The following GABRB3 variants were observed in gnomAD, a reference collection of about 807,000 sequenced individuals.
GABRB3 encodes the protein gamma-aminobutyric acid type A receptor subunit beta3, also known as gamma-aminobutyric acid receptor subunit beta-3.
GABRB3 carries 14 observed loss-of-function variants against 52.1 expected under a neutral mutation model. The observed-to-expected ratio is 0.27, with a 90% CI of 0.18 to 0.42. GABRB3 has a LOEUF of 0.42. Among genes scored for constraint, GABRB3 ranks in the 10% least tolerant of loss-of-function variants. The probability of loss-of-function intolerance (pLI) is 1.00; values close to 1 mark genes in which losing one functional copy is unlikely to be tolerated. For missense variants in GABRB3, 307 were observed against 609.1 expected (o/e 0.50, Z 5.22); for synonymous variants, 260 against 232.3 (o/e 1.12, Z -1.08).
chr15:26,748,362 G>T (rs979217133), intron 3 of GABRB3, among the ~76,000 whole-genome samples: 8 of 151,932 alleles, frequency 5.3e-5, no homozygotes, highest in African/African-American at 1.9e-4. Context: ...TTCTTTTTTG[G>T]GAACTTCTAA....
intron 3 of GABRB3, among the ~76,000 whole-genome samples, chr15:26,736,342 G>T (rs988516508): frequency 6.6e-6 from 1 of 152,140 alleles, no homozygotes; most frequent in African/African-American, 2.4e-5. Flanking sequence ...TTAGTATAAA[G>T]CAGACAAGAA....
intron 3 of GABRB3, among the ~76,000 whole-genome samples, chr15:26,737,415 G>A (rs977849663): frequency 3.9e-5 from 6 of 152,156 alleles, no homozygotes; most frequent in Non-Finnish European, 1.5e-5. Flanking sequence ...GAATGTTGCA[G>A]GACAATGGAA....
intron 3 of GABRB3, among the ~76,000 whole-genome samples, chr15:26,733,693 T>C (rs1889990909): frequency 6.6e-6 from 1 of 152,154 alleles, no homozygotes; most frequent in South Asian, 2.1e-4. Context: ...AGAACAAAGC[T>C]TGAGCACTCA....
At chr15:26,744,528 CA>C (rs1343194724) in intron 3 of GABRB3, among the ~76,000 whole-genome samples, 32 of 152,140 alleles carry the variant, frequency 2.1e-4, no homozygotes, top group African/African-American at 7.2e-4. Context: ...TGGGTTCAAG[CA>C]ATTCTCCTGC....
chr15:26,681,759 T>C (rs1888247787), intron 3 of GABRB3, among the ~76,000 whole-genome samples: 1 of 152,088 alleles, frequency 6.6e-6, no homozygotes. Flanking sequence ...GCCAGGAGTT[T>C]GAGACTAGCC....
intron 3 of GABRB3, among the ~76,000 whole-genome samples, chr15:26,713,311 T>C (rs1447091164): frequency 6.6e-6 from 1 of 152,114 alleles, no homozygotes; most frequent in Non-Finnish European, 1.5e-5. Flanking sequence ...TATTTTTTCA[T>C]GGTGTGAGGC....
chr15:26,597,739 C>G (rs1165647803), intron 4 of GABRB3, among the ~76,000 whole-genome samples: 1 of 152,222 alleles, frequency 6.6e-6, no homozygotes, highest in Non-Finnish European at 1.5e-5. Context: ...CTGGAAAGCT[C>G]TGAGAAGAGT....
chr15:26,566,817 A>G (rs1450402126), intron 7 of GABRB3, among the ~76,000 whole-genome samples: 1 of 152,154 alleles, frequency 6.6e-6, no homozygotes, highest in Non-Finnish European at 1.5e-5. Context: ...TAATGTGTTG[A>G]TAATTCTTTT....
chr15:26,688,237 C>T (rs1888468407), intron 3 of GABRB3, among the ~76,000 whole-genome samples: 1 of 152,184 alleles, frequency 6.6e-6, no homozygotes, highest in African/African-American at 2.4e-5. Context: ...AGCACAAACA[C>T]TAAACGGGAA....
At chr15:26,634,512 C>T (rs2140562853) in intron 3 of GABRB3, among the ~76,000 whole-genome samples, 1 of 152,188 alleles carries the variant, frequency 6.6e-6, no homozygotes, top group East Asian at 1.9e-4. Flanking sequence ...GGAGTGTTTC[C>T]ACTGATGTCG....
intron 3 of GABRB3, among the ~76,000 whole-genome samples, chr15:26,634,647 G>A (rs1892997458): frequency 6.6e-6 from 1 of 151,950 alleles, no homozygotes; most frequent in Non-Finnish European, 1.5e-5. Context: ...GGGTTAAATA[G>A]AATAATATAG....
chr15:26,569,515 T>C (rs775029082), intron 6 of GABRB3, among the ~76,000 whole-genome samples: 2 of 152,262 alleles, frequency 1.3e-5, no homozygotes, highest in Non-Finnish European at 2.9e-5. Flanking sequence ...AAGGACTCTA[T>C]AAATACAGAT....
intron 4 of GABRB3, among the ~76,000 whole-genome samples, chr15:26,592,890 C>T (rs1891257467): frequency 6.6e-6 from 1 of 152,120 alleles, no homozygotes; most frequent in South Asian, 2.1e-4. Flanking sequence ...TGGCACATGC[C>T]TTTAGTCCCA....
At chr15:26,727,309 A>T (rs1889800547) in intron 3 of GABRB3, among the ~76,000 whole-genome samples, 1 of 152,128 alleles carries the variant, frequency 6.6e-6, no homozygotes, top group South Asian at 2.1e-4. Context: ...TTAGGTATTT[A>T]CTTATGTATA....
In GABRB3 at chr15:26,548,102, C is replaced by T. The variant is rs139370891; in HGVS notation, c.1113G>A (p.Ser371=). The T allele has an allele frequency of 1.1e-4, 180 of 1,613,974 alleles. No homozygotes were observed. The highest frequency in any genetic ancestry group is 1.6e-4 in the Middle Eastern group (1 of 6,082). The change falls in exon 9 of 9, where the codon TCG becomes TCA. Residue 371 remains serine, a synonymous_variant. Coordinates refer to ENST00000311550, the MANE Select transcript of GABRB3 (RefSeq NM_000814.6). The part of the protein sequence containing the change: ...VDAHGNILLT[S]LEVHNEMNEV... ...CATTCATTTCATTGTGAACTTCCAGCGATGTCAACAGAATATTTCCATGAG... is the reference window on the plus strand; with the variant it reads ...CATTCATTTCATTGTGAACTTCCAGTGATGTCAACAGAATATTTCCATGAG...
intron 3 of GABRB3, chr15:26,666,417 C>T (rs2140621927): frequency 6.6e-6 from 1 of 152,274 alleles, no homozygotes; most frequent in East Asian, 1.9e-4. Context: ...CTTGCACGCA[C>T]CGAAGTCACT....
At chr15:26,553,984 C>G (rs888199824) in intron 8 of GABRB3, among the ~76,000 whole-genome samples, 27 of 124,830 alleles carry the variant, frequency 2.2e-4, no homozygotes, top group African/African-American at 7.5e-4. Flanking sequence ...AAGTGATCCT[C>G]TTACCTCAGC....
At chr15:26,694,296 T>C (rs1888671543) in intron 3 of GABRB3, among the ~76,000 whole-genome samples, 1 of 152,138 alleles carries the variant, frequency 6.6e-6, no homozygotes, top group African/African-American at 2.4e-5. Context: ...GAAGCACTTG[T>C]GAAGGTCACA....
rs1889302391 is a variant in GABRB3, at chr15:26,547,543, ATGTATG to A, written c.*244_*249del. 1.7e-6 allele frequency: 1 copy of A among 583,858 alleles called. No homozygotes were observed. 36.2% of individuals were successfully genotyped at this position (583,858 alleles called of 1,614,324 possible). A position where few individuals can be genotyped will look rare whatever the true frequency, so the allele number is the denominator to read the frequency against. On this transcript the variant is annotated 3_prime_UTR_variant, in exon 9 of 9. Transcript: ENST00000311550. Reference sequence around the variant, plus strand: ...TTGTCCATAGCTGCAAAATGTATATATGTATGTGTATTTGTCTTCCATACACATGGG... The same window carrying A: ...TTGTCCATAGCTGCAAAATGTATATATGTATTTGTCTTCCATACACATGGG...
Sources: gnomAD v4.1 joint callset for allele counts (sites outside exome capture counted in the v4.1 genomes callset) on GRCh38, gnomAD v4.1.1 for gene constraint, MANE v1.5 for transcripts, NCBI Gene and HGNC (gene_info 2026-07-23, HGNC 2026-07-21) for gene names.